Variants in RAB38 observed in about 807,000 individuals in gnomAD.
RAB38 encodes RAB38, member RAS oncogene family, also known as ras-related protein Rab-38.
Under a neutral mutation model 18.4 loss-of-function variants are expected in RAB38, and 15 were observed. The observed-to-expected ratio is 0.82, with a 90% CI of 0.55 to 1.26. The LOEUF (loss-of-function observed/expected upper bound fraction) is 1.26, where lower values mean the gene tolerates loss of function less well. RAB38 is among the 50% of genes most tolerant of loss of function. The pLI is 0.00. For synonymous variants in RAB38, 101 were observed against 104.4 expected (o/e 0.97, Z 0.20); for missense variants, 294 against 267.4 (o/e 1.10, Z -0.69).
chr11:87,872,958 T>A, the RAB38 span, among the ~76,000 whole-genome samples: 1 of 151,624 alleles, frequency 6.6e-6, no homozygotes, highest in Non-Finnish European at 1.5e-5. Flanking sequence ...TTTCAACTCA[T>A]TTCCACAAAT....
At chr11:88,078,241 C>T in the RAB38 span, among the ~76,000 whole-genome samples, 97,783 of 151,734 alleles carry the variant, frequency 0.64, 32,016 homozygotes, top group African/African-American at 0.75. Context: ...CAGCAACTAA[C>T]GGAAAACTGT....
In RAB38 at chr11:88,116,048, A is replaced by C. The variant is rs559458675; in HGVS notation, c.484-1908T>G. On this transcript the variant is annotated intron_variant, in intron 2 of 2. Coordinates refer to ENST00000243662, the MANE Select transcript of RAB38 (RefSeq NM_022337.3). ...GGGCAACTTCCTGTGCCTTAAAGTC[A>C]TTGCCTGTGCTTAGCATGTCTTCTG... Among the ~76,000 whole-genome samples the C allele has an allele frequency of 2.0e-5, 3 of 152,248 alleles. No homozygotes were observed. In the South Asian group the frequency reaches 6.2e-4, roughly 32 times the overall value.
the RAB38 span, among the ~76,000 whole-genome samples, chr11:87,851,755 T>C: frequency 6.6e-6 from 1 of 152,130 alleles, no homozygotes; most frequent in East Asian, 1.9e-4. Flanking sequence ...AGAGCCTGGG[T>C]CTTTCTGGGA....
chr11:87,872,856 C>A, the RAB38 span, among the ~76,000 whole-genome samples: 1 of 151,534 alleles, frequency 6.6e-6, no homozygotes, highest in African/African-American at 2.4e-5. Context: ...TCCATTCACC[C>A]TCTAAAGGAC....
At chr11:88,152,017 C>T (rs1435228916) in intron 1 of RAB38, among the ~76,000 whole-genome samples, 2 of 152,200 alleles carry the variant, frequency 1.3e-5, no homozygotes, top group African/African-American at 4.8e-5. Context: ...CCACATGACA[C>T]GTAAGCCCCA....
the RAB38 span, among the ~76,000 whole-genome samples, chr11:87,850,982 A>G: frequency 6.6e-6 from 1 of 152,210 alleles, no homozygotes; most frequent in African/African-American, 2.4e-5. Flanking sequence ...TGATTCAGCT[A>G]TGACAGCCTG....
At chr11:88,127,488 T>C (rs548436784) in intron 2 of RAB38, among the ~76,000 whole-genome samples, 1 of 152,288 alleles carries the variant, frequency 6.6e-6, no homozygotes, top group East Asian at 1.9e-4. Context: ...CTGGAAATAG[T>C]GGTGGTATAA....
the RAB38 span, among the ~76,000 whole-genome samples, chr11:88,021,864 A>AAAAC: frequency 6.7e-6 from 1 of 149,746 alleles, no homozygotes; most frequent in Non-Finnish European, 1.5e-5. Context: ...AAAAAAAAAA[A>AAAAC]AAAAAGTATT....
chr11:87,809,498 T>G, the RAB38 span, among the ~76,000 whole-genome samples: 1 of 152,236 alleles, frequency 6.6e-6, no homozygotes, highest in African/African-American at 2.4e-5. Flanking sequence ...ATCACCACTT[T>G]GTGTAGCCTG....
At chr11:87,843,917 C>T in the RAB38 span, among the ~76,000 whole-genome samples, 4 of 152,162 alleles carry the variant, frequency 2.6e-5, no homozygotes, top group African/African-American at 9.7e-5. Flanking sequence ...TCATTGCACT[C>T]ACTGCCTTTT....
chr11:87,907,465 AT>A, the RAB38 span, among the ~76,000 whole-genome samples: 1 of 139,422 alleles, frequency 7.2e-6, no homozygotes, highest in African/African-American at 3.3e-5. Context: ...CAAAAAAAAT[AT>A]ATTTTTTTCA....
chr11:88,009,330 C>A, the RAB38 span, among the ~76,000 whole-genome samples: 3 of 152,138 alleles, frequency 2.0e-5, no homozygotes, highest in African/African-American at 7.2e-5. Context: ...CTTCATCTCT[C>A]TTTCTCAATA....
chr11:88,163,099 C>T (rs779503950), intron 1 of RAB38, among the ~76,000 whole-genome samples: 32 of 152,100 alleles, frequency 2.1e-4, no homozygotes, highest in Non-Finnish European at 3.8e-4. Context: ...CTGCCTTGTA[C>T]TGCTTTTTAT....
the RAB38 span, among the ~76,000 whole-genome samples, chr11:88,024,729 G>A: frequency 6.6e-6 from 1 of 152,176 alleles, no homozygotes; most frequent in South Asian, 2.1e-4. Flanking sequence ...GCAACAACAT[G>A]GAAAGAACTG....
At chr11:88,174,827 G>A (rs1943362611) in intron 1 of RAB38, among the ~76,000 whole-genome samples, 5 of 152,216 alleles carry the variant, frequency 3.3e-5, no homozygotes, top group Admixed American at 3.3e-4. Flanking sequence ...GGACGTGCGT[G>A]ACACTGGGCT....
At position 88,114,016 on chromosome 11, in the gene RAB38, G is replaced by A. The variant is rs754720973; in HGVS notation, c.608C>T (p.Ala203Val). Reference protein sequence around the residue: ...VKPHLTSTKVASCSGCAKS With the variant: ...VKPHLTSTKVVSCSGCAKS ...GGATTTGGCACAGCCAGAGCAGCTG[G>A]CAACCTTGGTTGATGTGAGATGGGG... is the stretch of plus-strand genomic sequence containing the variant. Residue 203 changes from alanine to valine, a missense_variant, in exon 3 of 3, where the codon GCC becomes GTC. Transcript: ENST00000243662. 6.2e-7 allele frequency: 1 copy of A among 1,614,146 alleles called. No homozygotes were observed. The highest frequency in any genetic ancestry group is 2.2e-5 in the East Asian group (1 of 44,878).
chr11:88,022,837 G>C, the RAB38 span, among the ~76,000 whole-genome samples: 104 of 152,150 alleles, frequency 6.8e-4, 1 homozygote, highest in African/African-American at 2.5e-3. Context: ...ATTGTGAACA[G>C]TGCTGCAATG....
chr11:87,924,046 C>A, the RAB38 span, among the ~76,000 whole-genome samples: 2 of 151,596 alleles, frequency 1.3e-5, no homozygotes, highest in East Asian at 3.9e-4. Flanking sequence ...CACACACACA[C>A]ACACAACATT....
the RAB38 span, among the ~76,000 whole-genome samples, chr11:87,839,523 C>T: frequency 6.6e-6 from 1 of 152,166 alleles, no homozygotes; most frequent in African/African-American, 2.4e-5. Context: ...TCAAGCTGTG[C>T]TTCTTTAATT....
Sources: allele counts gnomAD v4.1 joint callset (sites outside exome capture counted in the v4.1 genomes callset), GRCh38; gene constraint gnomAD v4.1.1; transcripts MANE v1.5; gene names NCBI Gene and HGNC (gene_info 2026-07-23, HGNC 2026-07-21).